The following UBAC2 variants were observed in gnomAD, a reference collection of about 807,000 sequenced individuals.
UBAC2 encodes ubiquitin-associated domain-containing protein 2.
In UBAC2, 26 loss-of-function variants were observed where a neutral mutation model predicts 44.0. The observed-to-expected ratio is 0.59, with a 90% CI of 0.43 to 0.82. The LOEUF (loss-of-function observed/expected upper bound fraction) is 0.82. UBAC2 is among the 40% of genes least tolerant of loss of function. The probability of loss-of-function intolerance (pLI) is 0.00; values close to 1 mark genes in which losing one functional copy is unlikely to be tolerated. For synonymous variants in UBAC2, 155 were observed against 154.3 expected (o/e 1.00, Z -0.04); for missense variants, 329 against 419.4 (o/e 0.78, Z 1.88).
chr13:99,296,186 C>A, intron 4 of UBAC2: 1 of 1,521,486 alleles, frequency 6.6e-7, no homozygotes, highest in South Asian at 1.3e-5. Context: ...CAAGAAGGAT[C>A]ATATAAGTAA....
chr13:99,363,318 CTTTAA>C (rs2045290005), intron 7 of UBAC2, among the ~76,000 whole-genome samples: 3 of 152,178 alleles, frequency 2.0e-5, no homozygotes, highest in Admixed American at 2.0e-4. Flanking sequence ...TAGTTTTGAG[CTTTAA>C]CTTCAAGTAG....
At chr13:99,279,642 T>C (rs2043927629) in intron 4 of UBAC2, among the ~76,000 whole-genome samples, 1 of 152,220 alleles carries the variant, frequency 6.6e-6, no homozygotes, top group East Asian at 1.9e-4. Context: ...CAAAATGCCC[T>C]AGACTGTGTG....
At chr13:99,344,464 G>A (rs1373956414) in intron 7 of UBAC2, among the ~76,000 whole-genome samples, 2 of 152,068 alleles carry the variant, frequency 1.3e-5, no homozygotes, top group Non-Finnish European at 1.5e-5. Context: ...GTTTGCTCCT[G>A]TATCTTTTAT....
At chr13:99,296,514 G>A (rs758422146) in intron 4 of UBAC2, among the ~76,000 whole-genome samples, 1 of 152,068 alleles carries the variant, frequency 6.6e-6, no homozygotes, top group Non-Finnish European at 1.5e-5. Context: ...TCCCTTTTTT[G>A]AATCATTGTC....
chr13:99,202,986 G>A (rs1275709983), intron 1 of UBAC2, among the ~76,000 whole-genome samples: 1 of 151,932 alleles, frequency 6.6e-6, no homozygotes, highest in Non-Finnish European at 1.5e-5. Context: ...CTCTGGAGAA[G>A]CTACCCACTG....
At chr13:99,244,384 TATGCATGTGTGTATATACACACAC>T in intron 3 of UBAC2, 107 bp from the exon 4 acceptor site, 1 of 591,266 alleles carries the variant, frequency 1.7e-6, no homozygotes, top group East Asian at 2.9e-5. Flanking sequence ...TATACACACA[TATGCATGTGTGTATATACACACAC>T]ACACATACAT....
intron 7 of UBAC2, among the ~76,000 whole-genome samples, chr13:99,348,448 T>C (rs2045026688): frequency 6.6e-6 from 1 of 152,064 alleles, no homozygotes; most frequent in Non-Finnish European, 1.5e-5. Context: ...ACGGGGGGCC[T>C]TATGAAAAAA....
At chr13:99,276,128 C>T (rs576760559) in intron 4 of UBAC2, among the ~76,000 whole-genome samples, 3 of 152,292 alleles carry the variant, frequency 2.0e-5, no homozygotes, top group South Asian at 4.2e-4. Context: ...AAATCTCCAG[C>T]CATCTGCCAA....
chr13:99,268,279 T>A (rs541469804), intron 4 of UBAC2, among the ~76,000 whole-genome samples: 7 of 152,246 alleles, frequency 4.6e-5, no homozygotes, highest in Admixed American at 4.6e-4. Flanking sequence ...ATTAGCTGCC[T>A]CAGCAAGCTG....
At chr13:99,375,970 ATTTTT>A (rs34164759) in intron 8 of UBAC2, among the ~76,000 whole-genome samples, 4 of 130,834 alleles carry the variant, frequency 3.1e-5, no homozygotes, top group African/African-American at 8.6e-5. Flanking sequence ...AGCCCAGCTA[ATTTTT>A]TTTTTTTTTT....
chr13:99,287,027 T>A (rs1408502892), intron 4 of UBAC2, among the ~76,000 whole-genome samples: 2 of 152,172 alleles, frequency 1.3e-5, no homozygotes, highest in African/African-American at 4.8e-5. Flanking sequence ...ATTACAGAAA[T>A]TTTCAAATAT....
chr13:99,322,721 A>C (rs9517684), intron 6 of UBAC2, among the ~76,000 whole-genome samples: 38,410 of 152,138 alleles, frequency 0.25, 6,047 homozygotes, highest in Non-Finnish European at 0.35. Context: ...TGGGACTTCA[A>C]ATGTGGTCTG....
At chr13:99,201,553 A>C in intron 1 of UBAC2, 2 of 1,614,066 alleles carry the variant, frequency 1.2e-6, no homozygotes, top group East Asian at 4.5e-5. Flanking sequence ...CTGGCGTGTT[A>C]GCGGTGGTCA....
chr13:99,260,492 C>T (rs984255777), intron 4 of UBAC2, among the ~76,000 whole-genome samples: 1 of 152,164 alleles, frequency 6.6e-6, no homozygotes, highest in Non-Finnish European at 1.5e-5. Context: ...GATGGGGAGA[C>T]TTAGGCAAGG....
At position 99,255,077 on chromosome 13, in the gene UBAC2, G is replaced by A. The variant is rs540457420; in HGVS notation, c.389+10453G>A. 5 of 1,614,094 alleles carry A rather than the reference G, an allele frequency of 3.1e-6. 1 individual carries two copies. In the Admixed American group the frequency reaches 8.3e-5, roughly 27 times the overall value. ...AGGAAGGTGGTAAAGGCTCCCCAGGGATTGTAACTGTTCTCCCCCGTTCCC... is the reference window on the plus strand; with the variant it reads ...AGGAAGGTGGTAAAGGCTCCCCAGGAATTGTAACTGTTCTCCCCCGTTCCC... On this transcript the variant is annotated intron_variant, in intron 4 of 8. Transcript: ENST00000403766.
At chr13:99,332,129 C>A (rs1025575231) in intron 6 of UBAC2, among the ~76,000 whole-genome samples, 1 of 151,916 alleles carries the variant, frequency 6.6e-6, no homozygotes, top group Non-Finnish European at 1.5e-5. Context: ...AATGTGGGAC[C>A]GGTGGTTGGC....
At chr13:99,364,389 A>C (rs2138887376) in intron 7 of UBAC2, among the ~76,000 whole-genome samples, 1 of 150,192 alleles carries the variant, frequency 6.7e-6, no homozygotes, top group Middle Eastern at 3.4e-3. Flanking sequence ...TTTTGAAAAC[A>C]TTGTTGGATT....
chr13:99,338,401 T>C (rs906712324), intron 6 of UBAC2, among the ~76,000 whole-genome samples: 1 of 152,188 alleles, frequency 6.6e-6, no homozygotes, highest in Non-Finnish European at 1.5e-5. Context: ...TTGGACCACA[T>C]TGAAAGCTGT....
At chr13:99,308,052 A>C (rs1293533547) in intron 4 of UBAC2, 3 of 152,348 alleles carry the variant, frequency 2.0e-5, no homozygotes, top group Non-Finnish European at 4.4e-5. Context: ...TCTTCAGCAC[A>C]GGGTGAAAGA....
Sources: gnomAD v4.1 joint callset for allele counts (sites outside exome capture counted in the v4.1 genomes callset) on GRCh38, gnomAD v4.1.1 for gene constraint, MANE v1.5 for transcripts, NCBI Gene and HGNC (gene_info 2026-07-23, HGNC 2026-07-21) for gene names.